The following PACRG variants were observed in gnomAD, a reference collection of about 807,000 sequenced individuals.
The protein encoded by PACRG is parkin coregulated.
A neutral mutation model predicts 29.7 loss-of-function variants in PACRG; 29 were observed. The observed-to-expected ratio is 0.98, with a 90% CI of 0.73 to 1.33. The LOEUF (loss-of-function observed/expected upper bound fraction) is 1.33. PACRG is among the 40% of genes most tolerant of loss of function. The probability of loss-of-function intolerance (pLI) is 0.00; values close to 1 mark genes in which losing one functional copy is unlikely to be tolerated. For synonymous variants in PACRG, 116 were observed against 118.7 expected (o/e 0.98, Z 0.15); for missense variants, 279 against 316.2 (o/e 0.88, Z 0.89).
intron 2 of PACRG, among the ~76,000 whole-genome samples, chr6:163,001,999 G>A (rs1429418721): frequency 6.6e-6 from 1 of 152,126 alleles, no homozygotes; most frequent in Non-Finnish European, 1.5e-5. Context: ...CTTCACTGCA[G>A]CAAGTTGTAA....
Position 163,149,245 on chromosome 6 carries a change from G to A in PACRG, c.613+59837G>A, listed in dbSNP as rs1345766985. 7.9e-5 allele frequency among the ~76,000 whole-genome samples: 12 copies of A among 151,902 alleles called. No homozygotes were observed. In the East Asian group the frequency reaches 2.3e-3, roughly 30 times the overall value. On this transcript the variant is annotated intron_variant, in intron 4 of 4. Coordinates refer to ENST00000366888, the MANE Select transcript of PACRG (RefSeq NM_001080379.2). The stretch of plus-strand genomic sequence containing the variant: ...CTCCTGCAGAGCTTCCGGAGGGGAC[G>A]CCTCCCGCGGGCGCTGGCCGCTTCC...
intron 4 of PACRG, among the ~76,000 whole-genome samples, chr6:163,161,163 T>G (rs539246506): frequency 6.6e-6 from 1 of 152,272 alleles, no homozygotes; most frequent in East Asian, 1.9e-4. Flanking sequence ...TGCATTTCAA[T>G]ACAATCCCAT....
intron 1 of PACRG, among the ~76,000 whole-genome samples, chr6:162,792,999 TG>T (rs1785082445): frequency 6.6e-6 from 1 of 152,122 alleles, no homozygotes; most frequent in African/African-American, 2.4e-5. Context: ...AACAGTAGGC[TG>T]GGGCTCAGCT....
At chr6:163,225,959 A>C (rs1415706026) in intron 4 of PACRG, among the ~76,000 whole-genome samples, 2 of 152,158 alleles carry the variant, frequency 1.3e-5, no homozygotes, top group Non-Finnish European at 2.9e-5. Flanking sequence ...CAGGAGGATC[A>C]CTTGAGTGCA....
chr6:162,981,263 T>C (rs977008139), intron 2 of PACRG, among the ~76,000 whole-genome samples: 1 of 148,980 alleles, frequency 6.7e-6, no homozygotes, highest in Non-Finnish European at 1.5e-5. Flanking sequence ...ATATCTATAA[T>C]ATATTTATAT....
intron 2 of PACRG, among the ~76,000 whole-genome samples, chr6:162,947,615 T>TATATATATATATATATAATC (rs1799294759): frequency 1.3e-3 from 29 of 22,522 alleles, no homozygotes; most frequent in Middle Eastern, 0.045. Flanking sequence ...TATAATCATA[T>TATATATATATATATATAATC]ATATATATAT....
At chr6:162,805,261 GT>G (rs919123117) in intron 1 of PACRG, among the ~76,000 whole-genome samples, 69 of 152,162 alleles carry the variant, frequency 4.5e-4, no homozygotes, top group African/African-American at 1.6e-3. Flanking sequence ...GAGTCACGTG[GT>G]TTTTTTGTTT....
At chr6:162,988,368 T>C (rs998474340) in intron 2 of PACRG, among the ~76,000 whole-genome samples, 2 of 152,106 alleles carry the variant, frequency 1.3e-5, no homozygotes, top group East Asian at 1.9e-4. Context: ...AGGTTCAGCA[T>C]AGGTGAAAGC....
chr6:162,751,017 T>A (rs928243357), intron 1 of PACRG, among the ~76,000 whole-genome samples: 1 of 152,182 alleles, frequency 6.6e-6, no homozygotes, highest in African/African-American at 2.4e-5. Context: ...GGCCTTTACC[T>A]TCGTTTACAA....
chr6:163,229,502 G>A (rs1371847112), intron 4 of PACRG, among the ~76,000 whole-genome samples: 1 of 152,222 alleles, frequency 6.6e-6, no homozygotes, highest in African/African-American at 2.4e-5. Flanking sequence ...GGTTTAGCAA[G>A]GAGTTGTCTG....
At chr6:162,727,529 G>C, upstream of PACRG, 1 of 1,024,922 alleles carries the variant, frequency 9.8e-7, no homozygotes, top group Non-Finnish European at 1.4e-6. Flanking sequence ...GCGCGGGCCG[G>C]GGACGGCACG....
At chr6:163,265,374 C>G (rs982353970) in intron 4 of PACRG, among the ~76,000 whole-genome samples, 2 of 152,102 alleles carry the variant, frequency 1.3e-5, no homozygotes, top group African/African-American at 4.8e-5. Context: ...CAGGAATGCC[C>G]GGGCTCCCTT....
chr6:163,131,201 G>T (rs532029235), intron 4 of PACRG, among the ~76,000 whole-genome samples: 2 of 151,780 alleles, frequency 1.3e-5, no homozygotes, highest in South Asian at 4.1e-4. Context: ...CCAGCTACTC[G>T]GGAGGCTGAG....
intron 1 of PACRG, among the ~76,000 whole-genome samples, chr6:162,763,912 C>T (rs762679910): frequency 3.3e-5 from 5 of 152,042 alleles, no homozygotes; most frequent in Admixed American, 1.3e-4. Flanking sequence ...TTTAAAAACT[C>T]GACTATCTTC....
intron 2 of PACRG, among the ~76,000 whole-genome samples, chr6:162,849,214 C>A (rs1277935004): frequency 6.6e-6 from 1 of 152,152 alleles, no homozygotes; most frequent in Non-Finnish European, 1.5e-5. Flanking sequence ...AAAAAGGACC[C>A]TTTAAGACAG....
intron 2 of PACRG, among the ~76,000 whole-genome samples, chr6:162,886,342 CAT>C (rs1200109646): frequency 1.3e-5 from 2 of 152,232 alleles, no homozygotes; most frequent in Non-Finnish European, 2.9e-5. Context: ...TTGGCCTTCT[CAT>C]CATCCATCTC....
At chr6:163,249,355 A>T (rs1343457376) in intron 4 of PACRG, among the ~76,000 whole-genome samples, 1 of 152,202 alleles carries the variant, frequency 6.6e-6, no homozygotes, top group Non-Finnish European at 1.5e-5. Flanking sequence ...TTAAAAAAAA[A>T]CATGCCCATT....
intron 4 of PACRG, among the ~76,000 whole-genome samples, chr6:163,127,176 A>G (rs1816550486): frequency 6.6e-6 from 1 of 152,258 alleles, no homozygotes; most frequent in Non-Finnish European, 1.5e-5. Context: ...CGTCATTTCC[A>G]GAGCTCTGCC....
intron 2 of PACRG, among the ~76,000 whole-genome samples, chr6:162,829,016 T>C (rs1279879451): frequency 6.6e-6 from 1 of 152,262 alleles, no homozygotes; most frequent in Non-Finnish European, 1.5e-5. Flanking sequence ...TTTGTGAGTT[T>C]ATGCAAATAT....
Sources: allele counts gnomAD v4.1 joint callset (sites outside exome capture counted in the v4.1 genomes callset), GRCh38; gene constraint gnomAD v4.1.1; transcripts MANE v1.5; gene names NCBI Gene and HGNC (gene_info 2026-07-23, HGNC 2026-07-21).